Variants in FILIP1L observed in about 807,000 individuals in gnomAD.
The protein encoded by FILIP1L is filamin A interacting protein 1 like.
Under a neutral mutation model 96.6 loss-of-function variants are expected in FILIP1L, and 55 were observed. That is an observed-to-expected ratio of 0.57 (90% CI 0.46 to 0.71). The LOEUF is 0.71. FILIP1L is among the 30% of genes least tolerant of loss of function. The pLI, the probability that FILIP1L is intolerant of heterozygous loss-of-function variation, is 0.00. For missense variants in FILIP1L, 1,304 were observed against 1,321.2 expected (o/e 0.99, Z 0.20); for synonymous variants, 467 against 473.9 (o/e 0.99, Z 0.19).
chr3:99,966,527 T>C (rs1255623547), intron 1 of FILIP1L, among the ~76,000 whole-genome samples: 3 of 152,358 alleles, frequency 2.0e-5, no homozygotes, highest in African/African-American at 2.4e-5. Context: ...AGACTTAGAC[T>C]GAGTTCACTC....
At chr3:99,917,612 A>T (rs898131107) in intron 4 of FILIP1L, among the ~76,000 whole-genome samples, 7 of 152,106 alleles carry the variant, frequency 4.6e-5, no homozygotes, top group African/African-American at 1.7e-4. Flanking sequence ...GGCTTCTGAG[A>T]TTTCTGTAAT....
chr3:99,906,219 A>G (rs1226678787), intron 4 of FILIP1L, among the ~76,000 whole-genome samples: 1 of 152,162 alleles, frequency 6.6e-6, no homozygotes, highest in African/African-American at 2.4e-5. Context: ...AATAAATATT[A>G]GCCTTTCTGG....
intron 1 of FILIP1L, among the ~76,000 whole-genome samples, chr3:100,063,157 A>C (rs1380032259): frequency 1.3e-5 from 2 of 152,162 alleles, no homozygotes; most frequent in East Asian, 3.8e-4. Context: ...CTGAGGTATC[A>C]GTACCCTCAC....
chr3:100,020,662 G>A lies in FILIP1L; in HGVS notation c.-10-89632C>T, dbSNP rs118159696. ...AATAGTCTTAAAGTTCTTAAAAAGT[G>A]TTTATTTTTAGTGATTTCATTTAAA... is the stretch of plus-strand genomic sequence containing the variant. On this transcript the variant is annotated intron_variant, in intron 1 of 5. Coordinates refer to ENST00000477258, the MANE Select transcript of FILIP1L (RefSeq NM_001387850.1). 1.1e-4 allele frequency among the ~76,000 whole-genome samples: 16 copies of A among 145,314 alleles called. No homozygotes were observed. The East Asian group carries it at 3.4e-3, about 31-fold the overall frequency.
At chr3:100,089,879 G>T (rs1385172452) in intron 1 of FILIP1L, among the ~76,000 whole-genome samples, 1 of 152,188 alleles carries the variant, frequency 6.6e-6, no homozygotes, top group African/African-American at 2.4e-5. Context: ...AGCAAGTCTT[G>T]TCTTCCGTTT....
chr3:99,985,396 G>A (rs988054448), intron 1 of FILIP1L, among the ~76,000 whole-genome samples: 40 of 151,978 alleles, frequency 2.6e-4, no homozygotes, highest in African/African-American at 9.4e-4. Flanking sequence ...GCTGGGCATG[G>A]TGGTGCACGC....
intron 1 of FILIP1L, among the ~76,000 whole-genome samples, chr3:100,011,237 A>C (rs908933436): frequency 6.6e-6 from 1 of 152,058 alleles, no homozygotes; most frequent in Non-Finnish European, 1.5e-5. Context: ...TAGGTTATGA[A>C]CTTAGGAATT....
At chr3:99,981,161 G>A (rs973541970) in intron 1 of FILIP1L, among the ~76,000 whole-genome samples, 1 of 152,136 alleles carries the variant, frequency 6.6e-6, no homozygotes, top group African/African-American at 2.4e-5. Context: ...CCCTGTGCTG[G>A]GATGTGGTGC....
At chr3:100,052,516 CTG>C (rs1274089338) in intron 1 of FILIP1L, among the ~76,000 whole-genome samples, 1 of 152,142 alleles carries the variant, frequency 6.6e-6, no homozygotes, top group Non-Finnish European at 1.5e-5. Flanking sequence ...GTTTTATTAA[CTG>C]AACCTCTAAG....
chr3:100,073,643 A>G (rs1241674204), intron 1 of FILIP1L, among the ~76,000 whole-genome samples: 1 of 152,186 alleles, frequency 6.6e-6, no homozygotes, highest in Non-Finnish European at 1.5e-5. Context: ...AAGGCCAGGA[A>G]GTTTTTCATG....
At chr3:99,993,323 A>G (rs144532267) in intron 1 of FILIP1L, among the ~76,000 whole-genome samples, 1 of 152,050 alleles carries the variant, frequency 6.6e-6, no homozygotes, top group East Asian at 1.9e-4. Flanking sequence ...AACTTCTTTC[A>G]GTTTTGGAGC....
At chr3:100,090,763 C>T (rs1459746828) in intron 1 of FILIP1L, among the ~76,000 whole-genome samples, 1 of 152,186 alleles carries the variant, frequency 6.6e-6, no homozygotes, top group African/African-American at 2.4e-5. Flanking sequence ...TGTCTGATCA[C>T]CACTGTCCTA....
intron 4 of FILIP1L, among the ~76,000 whole-genome samples, chr3:99,912,655 G>A (rs982053211): frequency 6.6e-6 from 1 of 152,176 alleles, no homozygotes; most frequent in Non-Finnish European, 1.5e-5. Context: ...TGGCATTACA[G>A]GCATGAGCCA....
intron 4 of FILIP1L, among the ~76,000 whole-genome samples, chr3:99,894,046 T>C (rs1247693840): frequency 6.6e-6 from 1 of 152,244 alleles, no homozygotes; most frequent in East Asian, 1.9e-4. Flanking sequence ...AGAACCAGCA[T>C]ATAATAGCTT....
intron 1 of FILIP1L, among the ~76,000 whole-genome samples, chr3:100,061,177 A>G (rs1180269082): frequency 1.3e-5 from 2 of 152,232 alleles, no homozygotes; most frequent in Admixed American, 1.3e-4. Context: ...GAAGGGTACA[A>G]TTTTTAGATT....
intron 1 of FILIP1L, among the ~76,000 whole-genome samples, chr3:99,966,103 G>T (rs1576606397): frequency 6.6e-6 from 1 of 152,298 alleles, no homozygotes; most frequent in East Asian, 1.9e-4. Flanking sequence ...ATATTTACAG[G>T]GATATCTCTC....
chr3:100,072,760 G>T (rs2065784252), intron 1 of FILIP1L, among the ~76,000 whole-genome samples: 1 of 152,226 alleles, frequency 6.6e-6, no homozygotes, highest in South Asian at 2.1e-4. Context: ...ATAATGTATA[G>T]TTATTTAATT....
chr3:100,026,872 C>G (rs2064932049), intron 1 of FILIP1L, among the ~76,000 whole-genome samples: 1 of 152,108 alleles, frequency 6.6e-6, no homozygotes, highest in African/African-American at 2.4e-5. Context: ...CACAATCCTC[C>G]AAAGTCTCCG....
chr3:100,070,588 C>T (rs1398027983), intron 1 of FILIP1L, among the ~76,000 whole-genome samples: 1 of 152,118 alleles, frequency 6.6e-6, no homozygotes, highest in Non-Finnish European at 1.5e-5. Context: ...CAAAAGTTGT[C>T]TATGAATAAA....
Sources: gnomAD v4.1 joint callset for allele counts (sites outside exome capture counted in the v4.1 genomes callset) on GRCh38, gnomAD v4.1.1 for gene constraint, MANE v1.5 for transcripts, NCBI Gene and HGNC (gene_info 2026-07-23, HGNC 2026-07-21) for gene names.